Variants in PAK2 observed in about 807,000 individuals in gnomAD.
PAK2 encodes serine/threonine-protein kinase PAK 2.
Under a neutral mutation model 65.9 loss-of-function variants are expected in PAK2, and 21 were observed. That is an observed-to-expected ratio of 0.32 (90% CI 0.23 to 0.46). The LOEUF is 0.46. Among genes scored for constraint, PAK2 ranks in the 20% least tolerant of loss-of-function variants. PAK2 has a pLI of 1.00. For synonymous variants in PAK2, 204 were observed against 219.7 expected (o/e 0.93, Z 0.63); for missense variants, 324 against 642.6 (o/e 0.50, Z 5.36).
At chr3:196,823,490 G>C (rs1362008009) in intron 13 of PAK2, among the ~76,000 whole-genome samples, 2 of 152,014 alleles carry the variant, frequency 1.3e-5, no homozygotes, top group South Asian at 2.1e-4. Context: ...GCTGATCAAA[G>C]ATGGGCTGAT....
At chr3:196,781,312 C>G (rs1219541320) in intron 1 of PAK2, among the ~76,000 whole-genome samples, 1 of 152,160 alleles carries the variant, frequency 6.6e-6, no homozygotes, top group Non-Finnish European at 1.5e-5. Context: ...GGTTTTGTAT[C>G]AGAACTCATA....
At chr3:196,814,413 A>G (rs750295662) in intron 10 of PAK2, 38 bp from the exon 11 acceptor site, 12 of 773,138 alleles carry the variant, frequency 1.6e-5, no homozygotes, top group Middle Eastern at 4.9e-4. Flanking sequence ...TTTAGGAAAA[A>G]TAAAAGTGTG....
rs1326085696 is a variant in PAK2 at position 196,740,224 on chromosome 3, T to C, written c.-22+67T>C. 2.0e-5 allele frequency: 3 copies of C among 151,996 alleles called. No individual in the cohort carries two copies. In the East Asian group the frequency reaches 5.9e-4, roughly 30 times the overall value. The allele number at this position is 151,996 out of a possible 1,614,324, so 9.4% of individuals were successfully genotyped here. ...TCTCTTCCTCCTCCTTCCTTCTCCGTGGCCTGGCGGGCGGGAGCGGCCCGG... is the reference window on the plus strand; with the variant it reads ...TCTCTTCCTCCTCCTTCCTTCTCCGCGGCCTGGCGGGCGGGAGCGGCCCGG... On this transcript the variant is annotated intron_variant, in intron 1 of 14. Coordinates refer to ENST00000327134, the MANE Select transcript of PAK2 (RefSeq NM_002577.4).
intron 13 of PAK2, among the ~76,000 whole-genome samples, chr3:196,824,616 AT>A (rs1019330504): frequency 6.6e-6 from 1 of 152,142 alleles, no homozygotes; most frequent in African/African-American, 2.4e-5. Context: ...AGCACAGGGA[AT>A]TTTTTTGGGC....
At chr3:196,748,255 C>G (rs902924795) in intron 1 of PAK2, among the ~76,000 whole-genome samples, 1 of 152,142 alleles carries the variant, frequency 6.6e-6, no homozygotes, top group Non-Finnish European at 1.5e-5. Flanking sequence ...TCATGCCCCT[C>G]TTCTCCAAGC....
At chr3:196,771,968 T>G (rs1006364020) in intron 1 of PAK2, among the ~76,000 whole-genome samples, 7 of 152,252 alleles carry the variant, frequency 4.6e-5, no homozygotes, top group African/African-American at 1.7e-4. Context: ...ATGTTGAGTT[T>G]TAGCTTTCAT....
chr3:196,796,946 TGA>T (rs1265183878), intron 2 of PAK2, among the ~76,000 whole-genome samples: 3 of 152,106 alleles, frequency 2.0e-5, no homozygotes, highest in Non-Finnish European at 2.9e-5. Context: ...AAGCAAAAAC[TGA>T]GAGGATTTCA....
chr3:196,808,810 G>A (rs1288672921), intron 7 of PAK2, among the ~76,000 whole-genome samples: 7 of 152,096 alleles, frequency 4.6e-5, no homozygotes, highest in Admixed American at 1.3e-4. Context: ...GCAGTGAGCC[G>A]AGATCGTGCC....
intron 12 of PAK2, among the ~76,000 whole-genome samples, chr3:196,818,603 G>GTC (rs1711554557): frequency 6.6e-6 from 1 of 152,044 alleles, no homozygotes; most frequent in Non-Finnish European, 1.5e-5. Context: ...CTGAACTCAG[G>GTC]TATCTTCCCG....
At chr3:196,795,762 C>CA (rs2108751478) in intron 2 of PAK2, among the ~76,000 whole-genome samples, 1 of 152,182 alleles carries the variant, frequency 6.6e-6, no homozygotes, top group African/African-American at 2.4e-5. Flanking sequence ...AGACAGACTA[C>CA]AAAAAATGTT....
In PAK2 at chr3:196,759,498, G is replaced by GTTTTTTTTTTTTTT. The variant is rs71301221; in HGVS notation, c.-22+19367_-22+19380dup. Among the ~76,000 whole-genome samples the GTTTTTTTTTTTTTT allele has an allele frequency of 1.1e-3, 117 of 108,130 alleles. 11 individuals carry two copies. The highest frequency in any genetic ancestry group is 1.2e-3 in the Non-Finnish European group (69 of 55,412). The allele number at this position is 108,130 out of a possible 152,430, so 70.9% of individuals were successfully genotyped here. A position where few individuals can be genotyped will look rare whatever the true frequency, so the allele number is the denominator to read the frequency against. On this transcript the variant is annotated intron_variant, in intron 1 of 14. Transcript: ENST00000327134. Reference sequence around the variant, plus strand: ...GGTATACAGTTAAGTGGTTTTTTTTGTTTTTTTTTTTTTTTTTTTTTTTTT... The same window carrying GTTTTTTTTTTTTTT: ...GGTATACAGTTAAGTGGTTTTTTTTGTTTTTTTTTTTTTTTTTTTTTTTTTTTTTTTTTTTTTTT...
In PAK2 at chr3:196,762,198, T is replaced by G. The variant is rs1335996171; in HGVS notation, c.-21-20428T>G. Among the ~76,000 whole-genome samples the G allele has an allele frequency of 2.0e-5, 2 of 101,882 alleles. 1 individual carries two copies. The highest frequency in any genetic ancestry group is 4.5e-5 in the Non-Finnish European group (2 of 44,166). The allele number at this position is 101,882 out of a possible 152,430, so 66.8% of individuals were successfully genotyped here. A position where few individuals can be genotyped will look rare whatever the true frequency, so the allele number is the denominator to read the frequency against. On this transcript the variant is annotated intron_variant, in intron 1 of 14. Coordinates refer to ENST00000327134, the MANE Select transcript of PAK2 (RefSeq NM_002577.4). ...TGGGATGGTGGCCGGGCGCAGACGC[T>G]CCTCACTTTCCAGACTGGGCAGCCA...
In PAK2 at chr3:196,806,588, A is replaced by C. The variant is rs1715591498; in HGVS notation, c.478A>C (p.Lys160Gln). ...FPSGTPALNA[K>Q]GTEAPAVVTE... is the part of the protein sequence containing the mutation. The stretch of plus-strand genomic sequence containing the variant: ...CTCATCATCAATGCAGCTGAATGCC[A>C]AGGGAACAGAAGCACCCGCAGTAGT... Residue 160 changes from lysine to glutamine, a missense_variant, in exon 6 of 15, where the codon AAG becomes CAG. Coordinates refer to ENST00000327134, the MANE Select transcript of PAK2 (RefSeq NM_002577.4). 3 of 1,607,196 alleles carry C rather than the reference A, an allele frequency of 1.9e-6. No individual in the cohort carries two copies. Among genetic ancestry groups the C allele is most frequent in the Non-Finnish European group, 2.6e-6 (3 of 1,173,776 alleles).
intron 1 of PAK2, among the ~76,000 whole-genome samples, chr3:196,740,785 A>G (rs557701162): frequency 6.6e-6 from 1 of 152,174 alleles, no homozygotes; most frequent in Admixed American, 6.5e-5. Context: ...TAGGGGTGAA[A>G]TTTGCTTCTT....
intron 7 of PAK2, 107 bp from the exon 8 acceptor site, chr3:196,810,483 G>T: frequency 1.4e-6 from 1 of 716,170 alleles, no homozygotes. Context: ...TATTATGTTT[G>T]AAAATCACTT....
intron 2 of PAK2, among the ~76,000 whole-genome samples, chr3:196,795,402 G>A (rs550375769): frequency 2.2e-3 from 328 of 152,180 alleles, no homozygotes; most frequent in Middle Eastern, 6.8e-3. Context: ...CAGAGGTTGA[G>A]GCCGCAGTGA....
chr3:196,780,264 CCT>C (rs1004933579), intron 1 of PAK2, among the ~76,000 whole-genome samples: 8 of 152,206 alleles, frequency 5.3e-5, no homozygotes. Context: ...CTAGTTACCC[CCT>C]CTCTTAGTCT....
chr3:196,807,084 C>T (rs1007542864), intron 6 of PAK2, among the ~76,000 whole-genome samples: 1 of 152,164 alleles, frequency 6.6e-6, no homozygotes, highest in African/African-American at 2.4e-5. Flanking sequence ...GCCTTGCTGT[C>T]ATTCAAAAGG....
intron 1 of PAK2, among the ~76,000 whole-genome samples, chr3:196,752,536 A>AT (rs1713637608): frequency 6.6e-6 from 1 of 151,896 alleles, no homozygotes; most frequent in Non-Finnish European, 1.5e-5. Flanking sequence ...TTGTTAATGT[A>AT]TTTTTTGTAT....
Sources: gnomAD v4.1 joint callset for allele counts (sites outside exome capture counted in the v4.1 genomes callset) on GRCh38, gnomAD v4.1.1 for gene constraint, MANE v1.5 for transcripts, NCBI Gene and HGNC (gene_info 2026-07-23, HGNC 2026-07-21) for gene names.